GPC6: variants seen among roughly 807,000 people sequenced by gnomAD.
GPC6 encodes the protein glypican 6, also known as glypican-6.
GPC6 carries 14 observed loss-of-function variants against 55.2 expected under a neutral mutation model. The ratio of observed to expected loss-of-function variants is 0.25; its 90% CI spans 0.17 to 0.40. The LOEUF (loss-of-function observed/expected upper bound fraction) is 0.40, where lower values mean the gene tolerates loss of function less well. Ranked by LOEUF, GPC6 falls within the 10% of genes least tolerant of loss-of-function variation. GPC6 has a pLI of 1.00. For synonymous variants in GPC6, 278 were observed against 259.6 expected, an observed-to-expected ratio of 1.07 and a Z score of -0.68; for missense variants, 641 against 708.5, an observed-to-expected ratio of 0.90 and a Z score of 1.08.
Position 93,689,031 on chromosome 13 carries a change from T to C in GPC6, c.320-141123T>C, listed in dbSNP as rs1487198712. On this transcript the variant is annotated intron_variant, in intron 2 of 8. Coordinates refer to ENST00000377047, the MANE Select transcript of GPC6 (RefSeq NM_005708.5). The stretch of plus-strand genomic sequence containing the variant: ...TGCCCAGGGGAACCTAGGTCATCTC[T>C]ATTTCTACTATACTATAAGCTGCTA... Among the ~76,000 whole-genome samples, 3 of 152,066 alleles carry C rather than the reference T, an allele frequency of 2.0e-5. No individual in the cohort carries two copies. In the East Asian group the frequency reaches 5.8e-4, roughly 29 times the overall value.
intron 2 of GPC6, among the ~76,000 whole-genome samples, chr13:93,757,861 C>G (rs1884829717): frequency 1.3e-5 from 2 of 152,068 alleles, no homozygotes; most frequent in Admixed American, 1.3e-4. Context: ...CAAATGTGCA[C>G]CTTATATAGG....
chr13:94,276,987 G>C (rs533157088), intron 4 of GPC6, among the ~76,000 whole-genome samples: 66 of 152,058 alleles, frequency 4.3e-4, no homozygotes, highest in Non-Finnish European at 8.2e-4. Context: ...GGTATTTCTG[G>C]TTCTAGATCC....
intron 1 of GPC6, among the ~76,000 whole-genome samples, chr13:93,449,331 G>A (rs1018553166): frequency 2.0e-5 from 3 of 152,210 alleles, no homozygotes; most frequent in African/African-American, 7.2e-5. Flanking sequence ...GTATGAAACA[G>A]AGGCTGTCTA....
chr13:94,090,365 C>T (rs1885436381), intron 4 of GPC6, among the ~76,000 whole-genome samples: 1 of 152,090 alleles, frequency 6.6e-6, no homozygotes, highest in Non-Finnish European at 1.5e-5. Flanking sequence ...GGTGGAGAGA[C>T]AGCCAAACCA....
At chr13:93,836,598 T>C (rs1316837941) in intron 3 of GPC6, among the ~76,000 whole-genome samples, 2 of 152,210 alleles carry the variant, frequency 1.3e-5, no homozygotes, top group Non-Finnish European at 2.9e-5. Context: ...TATGAATAAT[T>C]GGCAAGCCTT....
intron 2 of GPC6, among the ~76,000 whole-genome samples, chr13:93,556,309 G>A (rs1875460318): frequency 1.3e-5 from 2 of 149,876 alleles, no homozygotes; most frequent in Non-Finnish European, 3.0e-5. Flanking sequence ...TTTTTGCTAG[G>A]ATGATATGTT....
At chr13:93,926,481 A>G (rs1452635945) in intron 3 of GPC6, among the ~76,000 whole-genome samples, 1 of 152,190 alleles carries the variant, frequency 6.6e-6, no homozygotes, top group Non-Finnish European at 1.5e-5. Flanking sequence ...TGAATTACAT[A>G]TTAATAATTT....
At chr13:94,337,026 A>C (rs1456949428) in intron 6 of GPC6, among the ~76,000 whole-genome samples, 1 of 152,206 alleles carries the variant, frequency 6.6e-6, no homozygotes, top group Non-Finnish European at 1.5e-5. Flanking sequence ...TAGAAAGGAG[A>C]TACCACAAGG....
intron 4 of GPC6, among the ~76,000 whole-genome samples, chr13:94,047,888 G>C (rs1883786759): frequency 6.6e-6 from 1 of 152,082 alleles, no homozygotes; most frequent in Non-Finnish European, 1.5e-5. Context: ...TCTGACTCCA[G>C]ATTCGCAGTT....
chr13:93,518,847 G>A (rs193302750), intron 1 of GPC6, among the ~76,000 whole-genome samples: 108 of 152,098 alleles, frequency 7.1e-4, no homozygotes, highest in African/African-American at 2.6e-3. Flanking sequence ...TTAACAAAGT[G>A]TAAGACATCA....
At chr13:94,270,983 T>G (rs1042389218) in intron 4 of GPC6, among the ~76,000 whole-genome samples, 1 of 112,818 alleles carries the variant, frequency 8.9e-6, no homozygotes, top group Non-Finnish European at 1.8e-5. Flanking sequence ...TTTTTTTTTT[T>G]TTTTTTTTTT....
At chr13:94,385,545 A>T (rs1880365334) in intron 7 of GPC6, among the ~76,000 whole-genome samples, 1 of 152,242 alleles carries the variant, frequency 6.6e-6, no homozygotes, top group Non-Finnish European at 1.5e-5. Context: ...ATGCATAAGT[A>T]TATTATTAAA....
At chr13:93,911,756 A>C (rs965497909) in intron 3 of GPC6, among the ~76,000 whole-genome samples, 2 of 152,214 alleles carry the variant, frequency 1.3e-5, no homozygotes, top group East Asian at 3.8e-4. Context: ...TGTATCTTTC[A>C]GTGTTGTTAT....
At chr13:93,467,575 C>CTTTTTT (rs11426472) in intron 1 of GPC6, among the ~76,000 whole-genome samples, 9 of 74,020 alleles carry the variant, frequency 1.2e-4, no homozygotes, top group South Asian at 5.9e-4. Flanking sequence ...AGCTGTGATT[C>CTTTTTT]TTTTTTTTTT....
intron 1 of GPC6, among the ~76,000 whole-genome samples, chr13:93,371,300 T>A (rs9524027): frequency 6.6e-6 from 1 of 151,680 alleles, no homozygotes; most frequent in Non-Finnish European, 1.5e-5. Flanking sequence ...CCAGGGAGAT[T>A]ACAAAGGATT....
At chr13:93,903,443 ACTT>A (rs1308646916) in intron 3 of GPC6, among the ~76,000 whole-genome samples, 2 of 152,138 alleles carry the variant, frequency 1.3e-5, no homozygotes, top group Admixed American at 6.5e-5. Flanking sequence ...TATCCATCCA[ACTT>A]CTTGCAGTGG....
intron 6 of GPC6, among the ~76,000 whole-genome samples, chr13:94,368,767 T>G (rs991902422): frequency 2.6e-5 from 4 of 152,184 alleles, no homozygotes; most frequent in African/African-American, 9.7e-5. Flanking sequence ...CAGACCTTGT[T>G]TGGTTGCTGA....
intron 2 of GPC6, among the ~76,000 whole-genome samples, chr13:93,810,509 T>G (rs1207836499): frequency 1.3e-5 from 2 of 152,206 alleles, no homozygotes; most frequent in Admixed American, 1.3e-4. Context: ...ATGGCTGCTT[T>G]GAAATTCAGA....
At position 93,348,999 on chromosome 13, in the gene GPC6, A is replaced by G. The variant is rs917029184; in HGVS notation, c.160+121383A>G. ...AGATGCTTCCAGTCAGTCACCATCA[A>G]AGCATTAGCCCCAGTTTGACTGTGT... is the stretch of plus-strand genomic sequence containing the variant. On this transcript the variant is annotated intron_variant, in intron 1 of 8. Transcript: ENST00000377047. Among the ~76,000 whole-genome samples, 4 of 152,306 alleles carry G rather than the reference A, an allele frequency of 2.6e-5. No individual in the cohort carries two copies. The South Asian group carries it at 8.3e-4, about 32-fold the overall frequency.
Sources: allele counts gnomAD v4.1 joint callset (sites outside exome capture counted in the v4.1 genomes callset), GRCh38; gene constraint gnomAD v4.1.1; transcripts MANE v1.5; gene names NCBI Gene and HGNC (gene_info 2026-07-23, HGNC 2026-07-21).